SVIL: variants seen among roughly 807,000 people sequenced by gnomAD.
The protein encoded by SVIL is archvillin.
Under a neutral mutation model 240.4 loss-of-function variants are expected in SVIL, and 101 were observed. The ratio of observed to expected loss-of-function variants is 0.42; its 90% CI spans 0.36 to 0.50. The LOEUF is 0.50. Among genes scored for constraint, SVIL ranks in the 20% least tolerant of loss-of-function variants. SVIL has a pLI of 0.01. For missense variants in SVIL, 2,512 were observed against 2,818.7 expected, an observed-to-expected ratio of 0.89 and a Z score of 2.46; for synonymous variants, 999 against 1,100.0, an observed-to-expected ratio of 0.91 and a Z score of 1.82.
At chr10:29,529,124 C>T (rs1377220138) in intron 12 of SVIL, among the ~76,000 whole-genome samples, 4 of 135,970 alleles carry the variant, frequency 2.9e-5, no homozygotes, top group African/African-American at 5.6e-5. Context: ...TGCAGTGAGC[C>T]GAGATCATGC....
chr10:29,641,800 G>T (rs1958494294), intron 3 of SVIL, among the ~76,000 whole-genome samples: 1 of 152,156 alleles, frequency 6.6e-6, no homozygotes, highest in Non-Finnish European at 1.5e-5. Flanking sequence ...CAAGCTGTGA[G>T]GCTTACAAGG....
Position 29,668,192 on chromosome 10 carries a change from T to C in SVIL, c.-300-10124A>G, listed in dbSNP as rs565379171. On this transcript the variant is annotated intron_variant, in intron 2 of 35. Coordinates refer to the SVIL transcript ENST00000375400. ...AATGGGAACTCTCTTGTATTAAAAA[T>C]AGAGGAGCACTGTACTGTAGCCTGG... Among the ~76,000 whole-genome samples, 6 of 152,202 alleles carry C rather than the reference T, an allele frequency of 3.9e-5. No individual in the cohort carries two copies. In the South Asian group the frequency reaches 6.2e-4, roughly 16 times the overall value.
At chr10:29,577,426 A>G (rs1272493844) in intron 1 of SVIL, among the ~76,000 whole-genome samples, 2 of 152,168 alleles carry the variant, frequency 1.3e-5, no homozygotes, top group East Asian at 1.9e-4. Context: ...ACATGAAAAC[A>G]TATGATATTT....
chr10:29,486,024 A>G lies in SVIL; in HGVS notation c.4779+61T>C, dbSNP rs1461496020. 4 of 1,600,144 alleles carry G rather than the reference A, an allele frequency of 2.5e-6. No homozygotes were observed. The East Asian group carries it at 8.9e-5, about 36-fold the overall frequency. On this transcript the variant is annotated intron_variant, in intron 26 of 37. Transcript: ENST00000355867. Reference sequence around the variant, plus strand: ...GAACTTACTCTCTAATCTATTGGGCAGCCTGTGCTGAGTGCTTTCAATGTG... The same window carrying G: ...GAACTTACTCTCTAATCTATTGGGCGGCCTGTGCTGAGTGCTTTCAATGTG...
chr10:29,515,594 A>G (rs191068156), intron 16 of SVIL, among the ~76,000 whole-genome samples: 114 of 152,326 alleles, frequency 7.5e-4, no homozygotes, highest in African/African-American at 2.5e-3. Flanking sequence ...TGGCCTCAGA[A>G]CCAGCTTCTC....
At chr10:29,503,382 C>T (rs1263378448) in intron 17 of SVIL, among the ~76,000 whole-genome samples, 1 of 152,226 alleles carries the variant, frequency 6.6e-6, no homozygotes, top group African/African-American at 2.4e-5. Flanking sequence ...TTTTCTGGTA[C>T]AGCCCTGAGG....
intron 31 of SVIL, 103 bp from the exon 32 acceptor site, chr10:29,470,586 G>A (rs575774967): frequency 4.9e-5 from 66 of 1,348,624 alleles, no homozygotes; most frequent in Non-Finnish European, 5.7e-5. Context: ...AGCCACCTCC[G>A]TCCAGGGCCA....
chr10:29,469,086 C>T (rs1443949388), intron 32 of SVIL: 4 of 152,230 alleles, frequency 2.6e-5, no homozygotes, highest in South Asian at 2.1e-4. Context: ...GATTGCTTGG[C>T]GCCAATCAGG....
chr10:29,627,300 T>G (rs1258907156), intron 1 of SVIL, among the ~76,000 whole-genome samples: 2 of 152,160 alleles, frequency 1.3e-5, no homozygotes, highest in Non-Finnish European at 2.9e-5. Flanking sequence ...ACCTTTGGAT[T>G]ACAGAATCCC....
At chr10:29,643,644 G>A (rs1042816433) in intron 3 of SVIL, among the ~76,000 whole-genome samples, 5 of 152,044 alleles carry the variant, frequency 3.3e-5, no homozygotes, top group African/African-American at 9.7e-5. Context: ...CACCCCTGCC[G>A]GAAATCTGAA....
intron 7 of SVIL, 101 bp downstream of exon 7, chr10:29,535,888 T>C: frequency 8.1e-7 from 1 of 1,228,124 alleles, no homozygotes; most frequent in Non-Finnish European, 1.2e-6. Flanking sequence ...TGCACTGGTA[T>C]TAAAGAAGGC....
At chr10:29,469,104 T>A (rs1945267861) in intron 32 of SVIL, 1 of 152,168 alleles carries the variant, frequency 6.6e-6, no homozygotes, top group African/African-American at 2.4e-5. Flanking sequence ...AGGTACTCAA[T>A]AAATGTTTGT....
rs2281940 is a variant in SVIL at position 29,491,231 on chromosome 10, T to C, written c.4020-212A>G. Among the ~76,000 whole-genome samples, 72,420 of 151,926 alleles carry C rather than the reference T, an allele frequency of 0.48. 18,962 individuals are homozygous for C. Among genetic ancestry groups the C allele is most frequent in the African/African-American group, 0.68 (28,231 of 41,438 alleles). On this transcript the variant is annotated intron_variant, in intron 21 of 37. Transcript: ENST00000355867. ...AGTTCAAATCTCAGCCACACCCGGA[T>C]GCCCCCACTCACTCATGCCCCTTGG...
At chr10:29,608,805 C>T (rs1220050150) in intron 1 of SVIL, among the ~76,000 whole-genome samples, 1 of 152,210 alleles carries the variant, frequency 6.6e-6, no homozygotes, top group Non-Finnish European at 1.5e-5. Flanking sequence ...CAGACAGGTT[C>T]CTAGGCAGGA....
At chr10:29,659,640 A>G (rs144641735) in intron 2 of SVIL, among the ~76,000 whole-genome samples, 2 of 152,248 alleles carry the variant, frequency 1.3e-5, no homozygotes, top group Non-Finnish European at 2.9e-5. Context: ...TGCGGGGTCA[A>G]AGGGGAGTCA....
intron 3 of SVIL, among the ~76,000 whole-genome samples, chr10:29,651,941 T>G (rs1958850658): frequency 6.6e-6 from 1 of 152,066 alleles, no homozygotes; most frequent in East Asian, 1.9e-4. Flanking sequence ...AATTCCTCAC[T>G]TGTCCTCACT....
At chr10:29,720,608 T>C (rs1476959006) in intron 1 of SVIL, among the ~76,000 whole-genome samples, 1 of 152,196 alleles carries the variant, frequency 6.6e-6, no homozygotes, top group African/African-American at 2.4e-5. Context: ...GTGGAAATAG[T>C]TACTACCTGG....
chr10:29,494,573 A>G (rs565900347), intron 20 of SVIL, among the ~76,000 whole-genome samples: 1 of 152,358 alleles, frequency 6.6e-6, no homozygotes, highest in South Asian at 2.1e-4. Context: ...ATTATATGAA[A>G]TAATATTAGC....
intron 1 of SVIL, among the ~76,000 whole-genome samples, chr10:29,591,434 A>G (rs1956385209): frequency 6.6e-6 from 1 of 152,220 alleles, no homozygotes; most frequent in Admixed American, 6.5e-5. Context: ...GCTATTTTCA[A>G]TTGTCTGTAT....
Sources: allele counts gnomAD v4.1 joint callset (sites outside exome capture counted in the v4.1 genomes callset), GRCh38; gene constraint gnomAD v4.1.1; transcripts MANE v1.5; gene names NCBI Gene and HGNC (gene_info 2026-07-23, HGNC 2026-07-21).